PRKN: variants seen among roughly 807,000 people sequenced by gnomAD.
The protein encoded by PRKN is parkin RBR E3 ubiquitin protein ligase, also known as E3 ubiquitin-protein ligase parkin.
PRKN carries 56 observed loss-of-function variants against 59.5 expected under a neutral mutation model. The observed-to-expected ratio is 0.94, with a 90% CI of 0.76 to 1.18. The LOEUF is 1.18. Ranked by LOEUF, PRKN falls within the 50% of genes most tolerant of loss-of-function variation. The probability of loss-of-function intolerance (pLI) is 0.00; values close to 1 mark genes in which losing one functional copy is unlikely to be tolerated. For synonymous variants in PRKN, 250 were observed against 222.1 expected, an observed-to-expected ratio of 1.13 and a Z score of -1.12; for missense variants, 657 against 596.4, an observed-to-expected ratio of 1.10 and a Z score of -1.06.
intron 1 of PRKN, among the ~76,000 whole-genome samples, chr6:162,644,926 T>C (rs1404223750): frequency 2.0e-5 from 3 of 152,212 alleles, no homozygotes; most frequent in African/African-American, 7.2e-5. Context: ...ATTTTCATGA[T>C]TAATAAGATG....
intron 1 of PRKN, among the ~76,000 whole-genome samples, chr6:162,634,163 G>A (rs147643231): frequency 9.4e-4 from 143 of 152,230 alleles, no homozygotes; most frequent in African/African-American, 3.3e-3. Flanking sequence ...TGTTCTCCAG[G>A]GTTGGAATGC....
Position 161,579,422 on chromosome 6 carries a change from T to A in PRKN, c.872-10006A>T, listed in dbSNP as rs1036379188. On this transcript the variant is annotated intron_variant, in intron 7 of 11. Transcript: ENST00000366898. This position sits in a 1 kb window ranked among gnomAD's most constrained non-coding sequence, Gnocchi z 4.2. ...TTCTTTAGGAGAAAAGAATTCTGAG[T>A]TCCAAACAATGTATAGACATGAACA... Among the ~76,000 whole-genome samples, 3 of 152,120 alleles carry A rather than the reference T, an allele frequency of 2.0e-5. No individual in the cohort carries two copies. The highest frequency in any genetic ancestry group is 7.2e-5 in the African/African-American group (3 of 41,412).
intron 7 of PRKN, among the ~76,000 whole-genome samples, chr6:161,779,111 T>C (rs1189966695): frequency 6.6e-6 from 1 of 152,026 alleles, no homozygotes; most frequent in Non-Finnish European, 1.5e-5. Context: ...GGCTAATTTT[T>C]GTATTTTCAC....
intron 1 of PRKN, among the ~76,000 whole-genome samples, chr6:162,562,482 G>A (rs7770932): frequency 0.02 from 3,100 of 152,214 alleles, 119 homozygotes; most frequent in African/African-American, 0.07. Flanking sequence ...TGAAGGGTGA[G>A]TCCCAGACCA....
At chr6:161,622,778 T>A (rs1451176618) in intron 7 of PRKN, among the ~76,000 whole-genome samples, 2 of 152,302 alleles carry the variant, frequency 1.3e-5, no homozygotes, top group Non-Finnish European at 1.5e-5. Context: ...ACTTGACAAT[T>A]TTCTTGTTCC....
At chr6:162,041,259 A>G (rs1216955419) in intron 5 of PRKN, among the ~76,000 whole-genome samples, 1 of 152,158 alleles carries the variant, frequency 6.6e-6, no homozygotes, top group Non-Finnish European at 1.5e-5. Context: ...AATGAACATC[A>G]TGGTTCATAG....
Position 161,453,668 on chromosome 6 carries a change from A to G in PRKN, c.1084-66791T>C, listed in dbSNP as rs560898161. On this transcript the variant is annotated intron_variant, in intron 9 of 11. Transcript: ENST00000366898. ...GGGGCCTCCATGGCTATGTAAGTCA[A>G]TTCTTTGAAATAAAGAGAACTCCAA... Among the ~76,000 whole-genome samples, 7 of 152,198 alleles carry G rather than the reference A, an allele frequency of 4.6e-5. No homozygotes were observed. The South Asian group carries it at 1.0e-3, about 23-fold the overall frequency.
At chr6:162,224,897 C>A (rs1042712134) in intron 3 of PRKN, among the ~76,000 whole-genome samples, 3 of 152,282 alleles carry the variant, frequency 2.0e-5, no homozygotes, top group African/African-American at 7.2e-5. Flanking sequence ...TTATAAAAAA[C>A]CATACTCATC....
At chr6:161,846,662 G>A (rs1793210031) in intron 6 of PRKN, among the ~76,000 whole-genome samples, 1 of 71,764 alleles carries the variant, frequency 1.4e-5, no homozygotes, top group Non-Finnish European at 2.5e-5. Flanking sequence ...ATCTGCGTGA[G>A]TGAAAAACAA....
chr6:161,673,929 G>A (rs1211536995), intron 7 of PRKN, among the ~76,000 whole-genome samples: 1 of 152,196 alleles, frequency 6.6e-6, no homozygotes, highest in African/African-American at 2.4e-5. Context: ...TATGAAGCAG[G>A]AGACACCATT....
At chr6:161,638,735 C>G (rs1464756343) in intron 7 of PRKN, among the ~76,000 whole-genome samples, 1 of 74,468 alleles carries the variant, frequency 1.3e-5, no homozygotes, top group African/African-American at 8.6e-5. Flanking sequence ...CTCACGAGAT[C>G]TGATTTTTTT....
chr6:162,649,616 A>G (rs1583981115), intron 1 of PRKN, among the ~76,000 whole-genome samples: 1 of 152,136 alleles, frequency 6.6e-6, no homozygotes, highest in Non-Finnish European at 1.5e-5. Context: ...AAAAAGTATT[A>G]AACTTTTACT....
At chr6:161,659,678 G>A (rs778125661) in intron 7 of PRKN, among the ~76,000 whole-genome samples, 1 of 152,094 alleles carries the variant, frequency 6.6e-6, no homozygotes, top group African/African-American at 2.4e-5. Flanking sequence ...CGGCCCTGGA[G>A]GACATGGTCT....
chr6:161,770,024 C>A (rs910372221), intron 7 of PRKN, among the ~76,000 whole-genome samples: 1 of 152,154 alleles, frequency 6.6e-6, no homozygotes, highest in African/African-American at 2.4e-5. Context: ...ACCTGCACCC[C>A]CAAGAAGATG....
chr6:162,277,465 G>A (rs561650421), intron 2 of PRKN, among the ~76,000 whole-genome samples: 167 of 152,268 alleles, frequency 1.1e-3, no homozygotes, highest in African/African-American at 3.9e-3. Flanking sequence ...AGGTGTGTGT[G>A]AGAAGACTGT....
intron 1 of PRKN, among the ~76,000 whole-genome samples, chr6:162,517,737 C>G (rs35446205): frequency 0.089 from 13,545 of 152,116 alleles, 724 homozygotes; most frequent in Middle Eastern, 0.17. Context: ...ATTTAAAAAA[C>G]TGAATGAAGG....
intron 1 of PRKN, among the ~76,000 whole-genome samples, chr6:162,599,126 C>T (rs1781601127): frequency 6.6e-6 from 1 of 152,082 alleles, no homozygotes; most frequent in South Asian, 2.1e-4. Flanking sequence ...AACTGTAATC[C>T]TTCCTGCTAC....
At chr6:161,464,803 A>G (rs1790378498) in intron 9 of PRKN, among the ~76,000 whole-genome samples, 1 of 152,236 alleles carries the variant, frequency 6.6e-6, no homozygotes, top group Admixed American at 6.5e-5. Context: ...ATGAATCCCC[A>G]GTGAAACGAA....
intron 4 of PRKN, among the ~76,000 whole-genome samples, chr6:162,175,368 C>A (rs896900387): frequency 6.6e-6 from 1 of 152,080 alleles, no homozygotes; most frequent in African/African-American, 2.4e-5. Context: ...TATTATATTC[C>A]CAGCACCACC....
Sources: allele counts gnomAD v4.1 joint callset (sites outside exome capture counted in the v4.1 genomes callset), GRCh38; gene constraint gnomAD v4.1.1; non-coding constraint Gnocchi (gnomAD v3.1); transcripts MANE v1.5; gene names NCBI Gene and HGNC (gene_info 2026-07-23, HGNC 2026-07-21).